Variants in LINGO2 observed in about 807,000 individuals in gnomAD.
The protein encoded by LINGO2 is leucine rich repeat and Ig domain containing 2, also known as leucine-rich repeat and immunoglobulin-like domain-containing nogo receptor-interacting protein 2.
Under a neutral mutation model 30.6 loss-of-function variants are expected in LINGO2, and 14 were observed. The ratio of observed to expected loss-of-function variants is 0.46; its 90% CI spans 0.30 to 0.72. The LOEUF is 0.72. Ranked by LOEUF, LINGO2 falls within the 30% of genes least tolerant of loss-of-function variation. The pLI is 0.07. For missense variants in LINGO2, 729 were observed against 751.7 expected, an observed-to-expected ratio of 0.97 and a Z score of 0.35; for synonymous variants, 317 against 288.5, an observed-to-expected ratio of 1.10 and a Z score of -1.00.
At chr9:27,979,524 A>G (rs898675241) in intron 5 of LINGO2, among the ~76,000 whole-genome samples, 1 of 151,966 alleles carries the variant, frequency 6.6e-6, no homozygotes, top group South Asian at 2.1e-4. Flanking sequence ...ATATATACAC[A>G]TTTTAATAAA....
intron 2 of LINGO2, among the ~76,000 whole-genome samples, chr9:28,474,625 ATCT>A (rs1396500306): frequency 6.6e-6 from 1 of 152,128 alleles, no homozygotes; most frequent in African/African-American, 2.4e-5. Flanking sequence ...TTGGAAGTTG[ATCT>A]TCTTGTCCCT....
the LINGO2 span, among the ~76,000 whole-genome samples, chr9:28,933,758 C>T: frequency 4.6e-5 from 7 of 152,328 alleles, no homozygotes; most frequent in East Asian, 1.4e-3. Context: ...CAAGGACATC[C>T]GCCCAACAAT....
At chr9:28,779,562 G>C in the LINGO2 span, among the ~76,000 whole-genome samples, 1 of 152,152 alleles carries the variant, frequency 6.6e-6, no homozygotes, top group African/African-American at 2.4e-5. Context: ...GATAGTCAAT[G>C]AGTTTATAAG....
At chr9:28,623,603 T>C (rs186293688) in intron 1 of LINGO2, among the ~76,000 whole-genome samples, 62 of 152,234 alleles carry the variant, frequency 4.1e-4, no homozygotes, top group Non-Finnish European at 6.8e-4. Context: ...TATAGCTCTG[T>C]AGTGTAATTT....
rs551594182 is a variant in LINGO2, at chr9:28,260,301, CACTCTTG to C, written c.-87+34900_-87+34906del. ...TGAACTGCCAAGAGAACTAATGCTT[CACTCTTG>C]AAAACTTCTCTATACCACCTGCTAA... is the stretch of plus-strand genomic sequence containing the variant. On this transcript the variant is annotated intron_variant, in intron 4 of 5. Transcript: ENST00000379992. 6.6e-5 allele frequency among the ~76,000 whole-genome samples: 10 copies of C among 150,638 alleles called. 1 individual carries two copies. The South Asian group carries it at 1.9e-3, about 28-fold the overall frequency.
chr9:28,651,876 G>A (rs1481586679), intron 1 of LINGO2, among the ~76,000 whole-genome samples: 1 of 152,006 alleles, frequency 6.6e-6, no homozygotes, highest in African/African-American at 2.4e-5. Context: ...CACCCCCTTA[G>A]CATATCCAGT....
the LINGO2 span, among the ~76,000 whole-genome samples, chr9:28,730,524 G>C: frequency 1.3e-5 from 2 of 152,174 alleles, no homozygotes. Flanking sequence ...CAAAGCTACA[G>C]AATGGGAGAA....
chr9:29,164,701 G>C, the LINGO2 span, among the ~76,000 whole-genome samples: 2 of 151,864 alleles, frequency 1.3e-5, no homozygotes, highest in African/African-American at 4.8e-5. Flanking sequence ...CAGTCAATTT[G>C]TATAACACAC....
chr9:28,552,606 T>C (rs1822357762), intron 1 of LINGO2, among the ~76,000 whole-genome samples: 1 of 151,954 alleles, frequency 6.6e-6, no homozygotes. Flanking sequence ...CTATTCATTA[T>C]AAAAGCATAT....
chr9:28,111,847 T>G (rs573729172), intron 4 of LINGO2, among the ~76,000 whole-genome samples: 6 of 152,284 alleles, frequency 3.9e-5, no homozygotes, highest in African/African-American at 1.2e-4. Context: ...GAGCACTCAC[T>G]ATATATGAAG....
At chr9:28,640,814 C>A (rs1362189624) in intron 1 of LINGO2, among the ~76,000 whole-genome samples, 1 of 152,132 alleles carries the variant, frequency 6.6e-6, no homozygotes, top group Non-Finnish European at 1.5e-5. Context: ...CTGAAGCCTT[C>A]TTCTCTCAAC....
At chr9:28,292,768 T>A (rs1046586994) in intron 4 of LINGO2, among the ~76,000 whole-genome samples, 8 of 151,196 alleles carry the variant, frequency 5.3e-5, no homozygotes, top group African/African-American at 1.9e-4. Flanking sequence ...CTGGCCCTGA[T>A]TTTTTTCTTT....
chr9:28,322,110 C>G (rs1825065006), intron 3 of LINGO2, among the ~76,000 whole-genome samples: 1 of 152,148 alleles, frequency 6.6e-6, no homozygotes, highest in South Asian at 2.1e-4. Context: ...ACACACTAAC[C>G]TTGAGACACA....
At position 28,593,398 on chromosome 9, in the gene LINGO2, C is replaced by T. The variant is rs1010522621; in HGVS notation, c.-365+76802G>A. 1.6e-4 allele frequency among the ~76,000 whole-genome samples: 25 copies of T among 152,038 alleles called. 1 individual carries two copies. The highest frequency in any genetic ancestry group is 6.6e-5 in the Admixed American group (1 of 15,244). Reference sequence around the variant, plus strand: ...GTTATGTGTAGTAGATAATTTTTGACGTTCTTTCCCAGGTCATGATGAACT... The same window carrying T: ...GTTATGTGTAGTAGATAATTTTTGATGTTCTTTCCCAGGTCATGATGAACT... On this transcript the variant is annotated intron_variant, in intron 1 of 5. Coordinates refer to ENST00000379992, the Ensembl canonical transcript of LINGO2.
At chr9:28,043,271 C>T (rs1824273229) in intron 4 of LINGO2, among the ~76,000 whole-genome samples, 1 of 152,220 alleles carries the variant, frequency 6.6e-6, no homozygotes, top group African/African-American at 2.4e-5. Flanking sequence ...AATAACAAGG[C>T]TCTGGCAAGG....
At chr9:28,608,006 T>G (rs1825762579) in intron 1 of LINGO2, among the ~76,000 whole-genome samples, 1 of 152,024 alleles carries the variant, frequency 6.6e-6, no homozygotes, top group African/African-American at 2.4e-5. Flanking sequence ...TAAAACAAAT[T>G]AATGGTTTGC....
At chr9:29,159,175 G>C in the LINGO2 span, among the ~76,000 whole-genome samples, 1 of 152,114 alleles carries the variant, frequency 6.6e-6, no homozygotes, top group Non-Finnish European at 1.5e-5. Context: ...AAAAAAGATG[G>C]ACTGGAACCC....
At chr9:28,255,263 T>A (rs900460575) in intron 4 of LINGO2, among the ~76,000 whole-genome samples, 3 of 152,030 alleles carry the variant, frequency 2.0e-5, no homozygotes, top group African/African-American at 7.2e-5. Flanking sequence ...TTTCGCTATT[T>A]CTAGGTGTAT....
chr9:29,175,032 G>A, the LINGO2 span, among the ~76,000 whole-genome samples: 2 of 152,148 alleles, frequency 1.3e-5, no homozygotes, highest in Non-Finnish European at 2.9e-5. Flanking sequence ...AGGCCGATGT[G>A]AGGGGACAAT....
Sources: allele counts gnomAD v4.1 joint callset (sites outside exome capture counted in the v4.1 genomes callset), GRCh38; gene constraint gnomAD v4.1.1; transcripts MANE v1.5; gene names NCBI Gene and HGNC (gene_info 2026-07-23, HGNC 2026-07-21).